The following EPHB2 variants were observed in gnomAD, a reference collection of about 807,000 sequenced individuals.
The protein encoded by EPHB2 is ephrin type-B receptor 2.
Under a neutral mutation model 96.4 loss-of-function variants are expected in EPHB2, and 18 were observed. The ratio of observed to expected loss-of-function variants is 0.19; its 90% CI spans 0.13 to 0.28. The LOEUF (loss-of-function observed/expected upper bound fraction) is 0.28, where lower values mean the gene tolerates loss of function less well. Among genes scored for constraint, EPHB2 ranks in the 10% least tolerant of loss-of-function variants. The pLI is 1.00. For synonymous variants in EPHB2, 506 were observed against 534.1 expected, an observed-to-expected ratio of 0.95 and a Z score of 0.72; for missense variants, 989 against 1,355.4, an observed-to-expected ratio of 0.73 and a Z score of 4.25.
At chr1:22,865,741 G>A (rs1489765496) in intron 5 of EPHB2, among the ~76,000 whole-genome samples, 2 of 152,148 alleles carry the variant, frequency 1.3e-5, no homozygotes, top group Non-Finnish European at 2.9e-5. Context: ...CCACGGGCAG[G>A]GCCTCAGTCA....
chr1:22,905,131 G>A (rs143059480), intron 9 of EPHB2, among the ~76,000 whole-genome samples: 137 of 152,326 alleles, frequency 9.0e-4, no homozygotes, highest in African/African-American at 3.1e-3. Flanking sequence ...GCATTTTGCC[G>A]ACTCAGTGCT....
intron 1 of EPHB2, among the ~76,000 whole-genome samples, chr1:22,731,942 C>T (rs549691492): frequency 6.6e-6 from 1 of 152,216 alleles, no homozygotes; most frequent in African/African-American, 2.4e-5. Flanking sequence ...CAGTCTTCAT[C>T]CCACCCAAGA....
chr1:22,876,133 C>T lies in EPHB2; in HGVS notation c.1304-6226C>T, dbSNP rs543866772. On this transcript the variant is annotated intron_variant, in intron 5 of 15. Coordinates refer to ENST00000374630, the MANE Select transcript of EPHB2 (RefSeq NM_017449.5). Reference sequence around the variant, plus strand: ...ACAGGGAGTGAAGACATCAGGGAGACATTGGGATCTGCAAGTCTGGGGCTT... The same window carrying T: ...ACAGGGAGTGAAGACATCAGGGAGATATTGGGATCTGCAAGTCTGGGGCTT... Among the ~76,000 whole-genome samples the T allele has an allele frequency of 3.9e-5, 6 of 152,266 alleles. No individual in the cohort carries two copies. The South Asian group carries it at 8.3e-4, about 21-fold the overall frequency.
At position 22,845,328 on chromosome 1, in the gene EPHB2, G is replaced by A. The variant is rs537420351; in HGVS notation, c.812-17709G>A. Among the ~76,000 whole-genome samples the A allele has an allele frequency of 7.2e-5, 11 of 152,308 alleles. No homozygotes were observed. The South Asian group carries it at 1.5e-3, about 20-fold the overall frequency. On this transcript the variant is annotated intron_variant, in intron 3 of 15. Coordinates refer to ENST00000374630, the MANE Select transcript of EPHB2 (RefSeq NM_017449.5). ...CCACGGTAAGCACTAAGTGTGAACC[G>A]TCATTTAATAGAAGATAAATGTTAA...
chr1:22,728,984 CCGTTCTGT>C (rs1643645059), intron 1 of EPHB2, among the ~76,000 whole-genome samples: 2 of 152,220 alleles, frequency 1.3e-5, no homozygotes, highest in African/African-American at 4.8e-5. Context: ...GGCCAGGCTG[CCGTTCTGT>C]CTGGAGCGCT....
intron 1 of EPHB2, among the ~76,000 whole-genome samples, chr1:22,750,226 A>G (rs1478327769): frequency 6.6e-6 from 1 of 152,158 alleles, no homozygotes; most frequent in Non-Finnish European, 1.5e-5. Flanking sequence ...GCAGTGGGGT[A>G]GTTTATATTG....
rs1217483279 is a variant in EPHB2, at chr1:22,858,047, G to A, written c.812-4990G>A. On this transcript the variant is annotated intron_variant, in intron 3 of 15. Coordinates refer to ENST00000374630, the MANE Select transcript of EPHB2 (RefSeq NM_017449.5). This position sits in a 1 kb window ranked among gnomAD's most constrained non-coding sequence, Gnocchi z 7.7. ...AACACAGCAAGAGACAATTGCTTTA[G>A]CCAGGGTGGTCAGGGTGGGCCTCTC... Among the ~76,000 whole-genome samples, 1 of 152,140 alleles carries A rather than the reference G, an allele frequency of 6.6e-6. No homozygotes were observed. Among genetic ancestry groups the A allele is most frequent in the Non-Finnish European group, 1.5e-5 (1 of 68,034 alleles).
At chr1:22,907,010 G>A (rs1240177839) in intron 11 of EPHB2, 53 bp downstream of exon 11, 31 of 1,554,524 alleles carry the variant, frequency 2.0e-5, no homozygotes, top group South Asian at 3.7e-5. Flanking sequence ...GAAAAGGAAC[G>A]ATGGACATAG....
intron 3 of EPHB2, among the ~76,000 whole-genome samples, chr1:22,805,109 C>A (rs1347862784): frequency 2.0e-5 from 3 of 151,706 alleles, no homozygotes; most frequent in Non-Finnish European, 4.4e-5. Context: ...CTCCTTGCCC[C>A]CACCACCTCC....
chr1:22,727,458 C>T (rs541806249), intron 1 of EPHB2, among the ~76,000 whole-genome samples: 8 of 152,240 alleles, frequency 5.3e-5, no homozygotes, highest in Non-Finnish European at 1.2e-4. Context: ...ACTCCTTGAG[C>T]CAGGGAATGG....
rs182562149 is a variant in EPHB2, at chr1:22,741,688, A to G, written c.61+30645A>G. On this transcript the variant is annotated intron_variant, in intron 1 of 15. Coordinates refer to ENST00000374630, the MANE Select transcript of EPHB2 (RefSeq NM_017449.5). ...CTGGTTTTCTTCCCAGCAAAAAAAA[A>G]CAAAAAAACAAAAAACCTCAGTTTC... 5.7e-3 allele frequency among the ~76,000 whole-genome samples: 807 copies of G among 142,282 alleles called. 29 individuals carry two copies. The highest frequency in any genetic ancestry group is 0.011 in the Admixed American group (145 of 13,492). 93.3% of individuals were successfully genotyped at this position (142,282 alleles called of 152,430 possible). A position where few individuals can be genotyped will look rare whatever the true frequency, so the allele number is the denominator to read the frequency against.
At chr1:22,811,940 G>A (rs965307283) in intron 3 of EPHB2, among the ~76,000 whole-genome samples, 3 of 152,238 alleles carry the variant, frequency 2.0e-5, no homozygotes, top group African/African-American at 7.2e-5. Context: ...TCAGGAGGCT[G>A]AGGTAGGTGG....
intron 5 of EPHB2, among the ~76,000 whole-genome samples, chr1:22,865,644 T>C (rs1638447843): frequency 6.6e-6 from 1 of 152,172 alleles, no homozygotes; most frequent in Non-Finnish European, 1.5e-5. Context: ...GTCTCAGGCA[T>C]GTCTGTGCGA....
At chr1:22,770,299 G>C (rs1173157027) in intron 1 of EPHB2, among the ~76,000 whole-genome samples, 1 of 152,166 alleles carries the variant, frequency 6.6e-6, no homozygotes, top group Non-Finnish European at 1.5e-5. Flanking sequence ...ATGGGTCAAT[G>C]GGTGAATGAA....
At chr1:22,878,803 G>A (rs900013215) in intron 5 of EPHB2, among the ~76,000 whole-genome samples, 1 of 152,208 alleles carries the variant, frequency 6.6e-6, no homozygotes, top group Admixed American at 6.5e-5. Flanking sequence ...GGACTGGATG[G>A]GAGCGTCTTG....
intron 3 of EPHB2, among the ~76,000 whole-genome samples, chr1:22,857,646 C>A (rs907217109): frequency 1.3e-5 from 2 of 152,052 alleles, no homozygotes; most frequent in Non-Finnish European, 2.9e-5. Flanking sequence ...CTGGGAAGAC[C>A]ATGGGGAGAA....
intron 1 of EPHB2, among the ~76,000 whole-genome samples, chr1:22,769,116 G>A (rs1644345206): frequency 6.6e-6 from 1 of 152,166 alleles, no homozygotes; most frequent in South Asian, 2.1e-4. Flanking sequence ...GGGTGGGATG[G>A]GCCCCAGCCA....
At chr1:22,902,168 G>T (rs1157300740) in intron 9 of EPHB2, among the ~76,000 whole-genome samples, 1 of 152,100 alleles carries the variant, frequency 6.6e-6, no homozygotes, top group Non-Finnish European at 1.5e-5. Context: ...TGAAAAACAG[G>T]CATCACATGT....
chr1:22,742,359 G>T (rs1328405170), intron 1 of EPHB2, among the ~76,000 whole-genome samples: 3 of 152,120 alleles, frequency 2.0e-5, no homozygotes, highest in Admixed American at 6.5e-5. Context: ...GGTAGAAAGG[G>T]TGGGGGCAGG....
Sources: allele counts gnomAD v4.1 joint callset (sites outside exome capture counted in the v4.1 genomes callset), GRCh38; gene constraint gnomAD v4.1.1; non-coding constraint Gnocchi (gnomAD v3.1); transcripts MANE v1.5; gene names NCBI Gene and HGNC (gene_info 2026-07-23, HGNC 2026-07-21).